The following SON variants were observed in gnomAD, a reference collection of about 807,000 sequenced individuals.
SON encodes the protein protein SON.
SON carries 4 observed loss-of-function variants against 173.3 expected under a neutral mutation model. The observed-to-expected ratio is 0.02, with a 90% CI of 0.01 to 0.05. SON has a LOEUF of 0.05. SON is among the 10% of genes least tolerant of loss of function. The pLI, the probability that SON is intolerant of heterozygous loss-of-function variation, is 1.00. For missense variants in SON, 2,626 were observed against 3,055.3 expected (o/e 0.86, Z 3.31); for synonymous variants, 1,190 against 1,105.9 (o/e 1.08, Z -1.51).
intron 2 of SON, among the ~76,000 whole-genome samples, chr21:33,549,224 G>A (rs1055391135): frequency 6.6e-6 from 1 of 151,920 alleles, no homozygotes; most frequent in Non-Finnish European, 1.5e-5. Context: ...ACAGGTGCGC[G>A]TCACCATGCC....
At chr21:33,573,527 C>T in intron 9 of SON, 72 bp downstream of exon 9, 2 of 1,361,158 alleles carry the variant, frequency 1.5e-6, no homozygotes, top group Non-Finnish European at 2.0e-6. Flanking sequence ...CTTTTGAACC[C>T]AGTGATACTG....
chr21:33,551,970 C>T lies in SON; in HGVS notation c.2739C>T (p.Pro913=). The T allele has an allele frequency of 6.8e-6, 11 of 1,613,932 alleles. 1 individual carries two copies. The highest frequency in any genetic ancestry group is 7.6e-6 in the Non-Finnish European group (9 of 1,179,812). Reference sequence around the variant, plus strand: ...TGTTGGGTTCAAAATCTCCTGATCCCTATAGGTTAGCTCAGGATCCTTACA... The same window carrying T: ...TGTTGGGTTCAAAATCTCCTGATCCTTATAGGTTAGCTCAGGATCCTTACA... ...SAMLGSKSPD[P]YRLAQDPYRL... Residue 913 remains proline, a synonymous_variant, in exon 3 of 12, where the codon CCC becomes CCT. Coordinates refer to ENST00000356577, the MANE Select transcript of SON (RefSeq NM_138927.4).
At chr21:33,576,344 T>C (rs1049118203) in intron 11 of SON, 21 bp from the exon 12 acceptor site, 10 of 1,090,672 alleles carry the variant, frequency 9.2e-6, no homozygotes, top group African/African-American at 1.5e-5. Context: ...GCTGTTCTTA[T>C]TGTATGTTTT....
At chr21:33,572,595 C>T (rs746633634) in intron 8 of SON, 26 of 1,304,100 alleles carry the variant, frequency 2.0e-5, no homozygotes, top group South Asian at 2.5e-5. Flanking sequence ...CAGTGCCAGC[C>T]GTACTATTCA....
At chr21:33,569,185 C>A in intron 8 of SON, 98 bp downstream of exon 8, 1 of 689,540 alleles carries the variant, frequency 1.5e-6, no homozygotes, top group Non-Finnish European at 2.6e-6. Context: ...TGACTCTAAC[C>A]AAAGTTCCAA....
At position 33,551,141 on chromosome 21, in the gene SON, G is replaced by C; in HGVS notation, c.1910G>C (p.Gly637Ala). 1.2e-6 allele frequency: 2 copies of C among 1,613,316 alleles called. No homozygotes were observed. Among genetic ancestry groups the C allele is most frequent in the Non-Finnish European group, 1.7e-6 (2 of 1,179,452 alleles). The change falls in exon 3 of 12, where the codon GGG becomes GCG. Residue 637 changes from glycine (G) to alanine (A), a missense_variant. By Grantham distance (60) the Gly-to-Ala change is moderately conservative (BLOSUM62 0). Around this residue, in one of 13 missense-constraint regions of SON, gnomAD observed 182 missense variants for 193.6 expected, o/e 0.94. Transcript: ENST00000356577. ...GTGCTGGAGTTGCCAGGGCAGCCTG[G>C]GGCGCCAGAGTTGCCTGGGCAGCCT... ...TGVLELPGQP[G>A]APELPGQPVA...
chr21:33,553,215 C>A lies in SON; in HGVS notation c.3984C>A (p.Ser1328=), dbSNP rs1270399176. 1 of 1,614,048 alleles carries A rather than the reference C, an allele frequency of 6.2e-7. No homozygotes were observed. Among genetic ancestry groups the A allele is most frequent in the Non-Finnish European group, 8.5e-7 (1 of 1,180,046 alleles). Residue 1328 remains serine (S), a synonymous_variant, in exon 3 of 12, where the codon TCC becomes TCA. Coordinates refer to ENST00000356577, the MANE Select transcript of SON (RefSeq NM_138927.4). ...ATGTTGCCTCAGAAGTATCTACATCCTTGTTGGTTCCAGCAGTAACTACTC... is the reference window on the plus strand; with the variant it reads ...ATGTTGCCTCAGAAGTATCTACATCATTGTTGGTTCCAGCAGTAACTACTC... The part of the protein sequence containing the change: ...SGHVASEVST[S]LLVPAVTTPV...
In SON at chr21:33,551,402, A is replaced by G. The variant is rs1043232843; in HGVS notation, c.2171A>G (p.His724Arg). The change falls in exon 3 of 12, where the codon CAT (histidine) becomes CGT (arginine). Residue 724 changes from histidine (H) to arginine (R), a missense_variant. Coordinates refer to ENST00000356577, the MANE Select transcript of SON (RefSeq NM_138927.4). ...HILASNTMET[H>R]ILASNTMDSQ... ...TTAGCTTCTAACACCATGGAGACCC[A>G]TATATTAGCATCCAACACCATGGAC... 3.7e-6 allele frequency: 6 copies of G among 1,614,136 alleles called. No homozygotes were observed. The highest frequency in any genetic ancestry group is 5.1e-6 in the Non-Finnish European group (6 of 1,179,998).
intron 6 of SON, among the ~76,000 whole-genome samples, chr21:33,564,065 A>G: frequency 6.6e-6 from 1 of 152,236 alleles, no homozygotes; most frequent in East Asian, 1.9e-4. Flanking sequence ...GTGTATTGGT[A>G]GAAACTAAGG....
intron 1 of SON, among the ~76,000 whole-genome samples, chr21:33,545,626 T>A (rs1390811582): frequency 6.6e-6 from 1 of 152,264 alleles, no homozygotes; most frequent in Non-Finnish European, 1.5e-5. Context: ...GTGAGTTTTA[T>A]AAACCAGAGT....
At chr21:33,548,543 CACTA>C (rs2085677810) in intron 2 of SON, among the ~76,000 whole-genome samples, 1 of 152,210 alleles carries the variant, frequency 6.6e-6, no homozygotes, top group Non-Finnish European at 1.5e-5. Context: ...TAGAAGCAAT[CACTA>C]ACCTTTGTTG....
At position 33,552,365 on chromosome 21, in the gene SON, A is replaced by G. The variant is rs1325799559; in HGVS notation, c.3134A>G (p.Tyr1045Cys). 6.2e-7 allele frequency: 1 copy of G among 1,613,740 alleles called. No homozygotes were observed. Among genetic ancestry groups the G allele is most frequent in the East Asian group, 2.2e-5 (1 of 44,876 alleles). Residue 1045 changes from tyrosine (Y) to cysteine (C), a missense_variant, in exon 3 of 12, where the codon TAC becomes TGC. By Grantham distance (194) the Tyr-to-Cys change is radical. Coordinates refer to ENST00000356577, the MANE Select transcript of SON (RefSeq NM_138927.4). The surrounding 1 kb of genome is among the most constrained non-coding windows in gnomAD (Gnocchi z 5.6). ...TACGAGCGCTCTATGATGTCAGCCTACGAGCGCTCTATGATGTCCCCTATG... is the reference window on the plus strand; with the variant it reads ...TACGAGCGCTCTATGATGTCAGCCTGCGAGCGCTCTATGATGTCCCCTATG... The part of the protein sequence containing the change: ...SAYERSMMSA[Y>C]ERSMMSPMAE...
chr21:33,549,730 C>T lies in SON; in HGVS notation c.499C>T (p.Leu167=), dbSNP rs766710281. ...TGATTCTGAACCTTCAGCTGTGGCG[C>T]TGGAGCTTCCTACAAGAGCATTTGG... ...KFDSEPSAVA[L]ELPTRAFGPS... The change falls in exon 3 of 12, where the codon CTG becomes TTG. Residue 167 remains leucine (L), a synonymous_variant. Coordinates refer to ENST00000356577, the MANE Select transcript of SON (RefSeq NM_138927.4). 6 of 1,614,012 alleles carry T rather than the reference C, an allele frequency of 3.7e-6. No homozygotes were observed. The highest frequency in any genetic ancestry group is 4.2e-6 in the Non-Finnish European group (5 of 1,179,968).
intron 1 of SON, among the ~76,000 whole-genome samples, chr21:33,544,691 A>C (rs2085572577): frequency 6.6e-6 from 1 of 152,182 alleles, no homozygotes; most frequent in Non-Finnish European, 1.5e-5. Flanking sequence ...GTAGGAATAT[A>C]CTGTTGCATA....
chr21:33,557,335 G>T lies in SON; in HGVS notation c.6321+19G>T, dbSNP rs1042919505. Reference sequence around the variant, plus strand: ...AACTGAGGTAAGCTAGACAGAATTTGTTTTCATTCTTAAATGGATTATTCC... The same window carrying T: ...AACTGAGGTAAGCTAGACAGAATTTTTTTTCATTCTTAAATGGATTATTCC... On this transcript the variant is annotated intron_variant, in intron 4 of 11. Coordinates refer to ENST00000356577, the MANE Select transcript of SON (RefSeq NM_138927.4). 2 of 1,612,826 alleles carry T rather than the reference G, an allele frequency of 1.2e-6. No homozygotes were observed. The highest frequency in any genetic ancestry group is 1.7e-6 in the Non-Finnish European group (2 of 1,179,440).
In SON at chr21:33,553,356, C is replaced by T. The variant is rs1270599614; in HGVS notation, c.4125C>T (p.Val1375=). 3.1e-6 allele frequency: 5 copies of T among 1,612,008 alleles called. No individual in the cohort carries two copies. In the South Asian group the frequency reaches 4.4e-5, roughly 14 times the overall value. The change falls in exon 3 of 12, where the codon GTC becomes GTT. Residue 1375 remains valine, a synonymous_variant. Coordinates refer to ENST00000356577, the MANE Select transcript of SON (RefSeq NM_138927.4). ...VTVLESSTVT[V]LESSTVTVLE... ...TCCTGGAGTCTTCGACTGTGACTGTCCTGGAGTCTTCGACTGTAACTGTCC... is the reference window on the plus strand; with the variant it reads ...TCCTGGAGTCTTCGACTGTGACTGTTCTGGAGTCTTCGACTGTAACTGTCC...
At chr21:33,557,447 C>G (rs994111937) in intron 4 of SON, 131 bp downstream of exon 4, 1 of 1,541,328 alleles carries the variant, frequency 6.5e-7, no homozygotes, top group African/African-American at 1.4e-5. Context: ...ACCCGAAATA[C>G]AGATGTGGCA....
At chr21:33,565,443 T>C (rs1047064966) in intron 6 of SON, among the ~76,000 whole-genome samples, 9 of 152,216 alleles carry the variant, frequency 5.9e-5, no homozygotes, top group African/African-American at 2.2e-4. Context: ...GCATCTTGTG[T>C]GCCTTCAAAA....
At chr21:33,557,971 T>G (rs878970294) in intron 4 of SON, 1 of 181,058 alleles carries the variant, frequency 5.5e-6, no homozygotes, top group African/African-American at 2.4e-5. Context: ...ACTATTTTTT[T>G]GGTGTGGGTG....
Sources: gnomAD v4.1 joint callset for allele counts (sites outside exome capture counted in the v4.1 genomes callset) on GRCh38, gnomAD v4.1.1 for gene constraint, gnomAD v4.1.1 regional missense constraint, Gnocchi (gnomAD v3.1) non-coding constraint, MANE v1.5 for transcripts, NCBI Gene and HGNC (gene_info 2026-07-23, HGNC 2026-07-21) for gene names.